PCDH15: variants seen among roughly 807,000 people sequenced by gnomAD.
PCDH15 encodes protocadherin-15.
A neutral mutation model predicts 178.5 loss-of-function variants in PCDH15; 129 were observed. That is an observed-to-expected ratio of 0.72 (90% CI 0.63 to 0.84). The LOEUF (loss-of-function observed/expected upper bound fraction) is 0.84. Among genes scored for constraint, PCDH15 ranks in the 40% least tolerant of loss-of-function variants. PCDH15 has a pLI of 0.00. For synonymous variants in PCDH15, 800 were observed against 732.0 expected (o/e 1.09, Z -1.50); for missense variants, 2,230 against 2,099.9 (o/e 1.06, Z -1.21).
chr10:55,236,870 A>G (rs901905194), intron 1 of PCDH15, among the ~76,000 whole-genome samples: 3 of 151,946 alleles, frequency 2.0e-5, no homozygotes, highest in African/African-American at 4.8e-5. Context: ...TAAAATACTA[A>G]TATAATTGAT....
At chr10:54,302,139 T>C (rs1310659136) in intron 8 of PCDH15, among the ~76,000 whole-genome samples, 1 of 152,160 alleles carries the variant, frequency 6.6e-6, no homozygotes, top group East Asian at 1.9e-4. Flanking sequence ...CAGTCTGGAT[T>C]TTCAAATAAA....
intron 2 of PCDH15, among the ~76,000 whole-genome samples, chr10:54,991,401 A>G (rs1223033056): frequency 2.0e-5 from 3 of 152,160 alleles, no homozygotes; most frequent in African/African-American, 7.2e-5. Flanking sequence ...AAAAAAGAGA[A>G]AAGCTGGGCA....
chr10:55,603,911 A>G (rs1843145647), intron 2 of PCDH15, among the ~76,000 whole-genome samples: 2 of 146,422 alleles, frequency 1.4e-5, no homozygotes, highest in South Asian at 4.5e-4. Flanking sequence ...CTTTAAATGT[A>G]AATGGACTAA....
At chr10:54,873,983 T>C (rs868834570) in intron 3 of PCDH15, among the ~76,000 whole-genome samples, 1 of 147,842 alleles carries the variant, frequency 6.8e-6, no homozygotes, top group Non-Finnish European at 1.5e-5. Flanking sequence ...TTTATTATTA[T>C]TATTATACTT....
intron 2 of PCDH15, among the ~76,000 whole-genome samples, chr10:55,162,743 C>G (rs1349079123): frequency 6.6e-6 from 1 of 152,098 alleles, no homozygotes; most frequent in African/African-American, 2.4e-5. Context: ...GTAATATAAC[C>G]TCAGACCAGA....
intron 2 of PCDH15, among the ~76,000 whole-genome samples, chr10:54,922,481 T>C (rs907902022): frequency 6.6e-6 from 1 of 152,058 alleles, no homozygotes. Flanking sequence ...GGAAAGGAGT[T>C]GCCTTGTCTC....
chr10:55,359,833 G>T lies in PCDH15; in HGVS notation c.-155-193182C>A, dbSNP rs187405089. 3.3e-3 allele frequency among the ~76,000 whole-genome samples: 501 copies of T among 150,108 alleles called. 2 individuals carry two copies. Among genetic ancestry groups the T allele is most frequent in the Non-Finnish European group, 4.0e-3 (268 of 67,642 alleles). On this transcript the variant is annotated intron_variant, in intron 2 of 5. Transcript: ENST00000613346. The stretch of plus-strand genomic sequence containing the variant: ...TTGAAAAGAAGGAGATTCTGTCATT[G>T]GTGACAATCTAGATGAACTTGTAGG...
At chr10:53,916,405 AG>A in intron 25 of PCDH15, among the ~76,000 whole-genome samples, 2 of 150,850 alleles carry the variant, frequency 1.3e-5, no homozygotes, top group East Asian at 4.0e-4. Flanking sequence ...TCACCAAAAT[AG>A]GAGTTAAGGA....
intron 3 of PCDH15, among the ~76,000 whole-genome samples, chr10:54,419,642 C>T (rs1160106955): frequency 1.3e-5 from 2 of 152,176 alleles, no homozygotes; most frequent in Non-Finnish European, 2.9e-5. Context: ...CATTTCTCTG[C>T]TCAAATACAA....
At chr10:55,602,030 G>C (rs568087951) in intron 2 of PCDH15, among the ~76,000 whole-genome samples, 1 of 152,212 alleles carries the variant, frequency 6.6e-6, no homozygotes, top group South Asian at 2.1e-4. Context: ...GTGGGTGCAC[G>C]CGCCGTGCAC....
intron 1 of PCDH15, among the ~76,000 whole-genome samples, chr10:55,181,609 A>G (rs1352331389): frequency 1.3e-5 from 2 of 152,006 alleles, no homozygotes; most frequent in Admixed American, 6.6e-5. Context: ...GAGTGTCAAC[A>G]TTTTTAAAGA....
intron 1 of PCDH15, among the ~76,000 whole-genome samples, chr10:55,186,180 A>G (rs1006235164): frequency 6.6e-6 from 1 of 151,624 alleles, no homozygotes; most frequent in Non-Finnish European, 1.5e-5. Context: ...ACTAAATATA[A>G]TGCAAATGAT....
At chr10:55,555,269 G>GA (rs2132092163) in intron 2 of PCDH15, among the ~76,000 whole-genome samples, 1 of 152,088 alleles carries the variant, frequency 6.6e-6, no homozygotes, top group Non-Finnish European at 1.5e-5. Context: ...CAAAGCAGAT[G>GA]AAAAAATGGG....
chr10:54,650,878 T>C lies in PCDH15; in HGVS notation c.91+13294A>G, dbSNP rs186342541. 1.1e-4 allele frequency among the ~76,000 whole-genome samples: 17 copies of C among 152,268 alleles called. No homozygotes were observed. In the East Asian group the frequency reaches 3.3e-3, roughly 29 times the overall value. ...TCCCTCCTAGAGCACATGGGAATTATGGGAGCTAAAATTCAAGATGATATT... is the reference window on the plus strand; with the variant it reads ...TCCCTCCTAGAGCACATGGGAATTACGGGAGCTAAAATTCAAGATGATATT... On this transcript the variant is annotated intron_variant, in intron 2 of 37. Coordinates refer to ENST00000644397, the MANE Select transcript of PCDH15 (RefSeq NM_001384140.1).
chr10:54,975,362 G>T (rs1355798493), intron 2 of PCDH15, among the ~76,000 whole-genome samples: 1 of 152,166 alleles, frequency 6.6e-6, no homozygotes, highest in Non-Finnish European at 1.5e-5. Context: ...AAAGAAAAGA[G>T]TGTGTATGCA....
intron 1 of PCDH15, among the ~76,000 whole-genome samples, chr10:55,226,437 AACCCTGC>A (rs1841044944): frequency 1.4e-5 from 1 of 71,122 alleles, no homozygotes; most frequent in Admixed American, 1.5e-4. Context: ...GGCTCACTGC[AACCCTGC>A]AACCCTGCAA....
intron 2 of PCDH15, among the ~76,000 whole-genome samples, chr10:54,912,614 A>G (rs983732199): frequency 6.6e-6 from 1 of 152,192 alleles, no homozygotes; most frequent in African/African-American, 2.4e-5. Flanking sequence ...CAGGAAGTTC[A>G]TTATAGCAAT....
At chr10:54,537,147 C>T (rs938093493) in intron 2 of PCDH15, among the ~76,000 whole-genome samples, 3 of 151,842 alleles carry the variant, frequency 2.0e-5, no homozygotes, top group Non-Finnish European at 4.4e-5. Flanking sequence ...TACAGGCGCC[C>T]GCTACCATGC....
In PCDH15 at chr10:55,306,347, G is replaced by A. The variant is rs146868761; in HGVS notation, c.-156+13252C>T. Among the ~76,000 whole-genome samples, 434 of 152,268 alleles carry A rather than the reference G, an allele frequency of 2.9e-3. 1 individual carries two copies. The highest frequency in any genetic ancestry group is 8.5e-3 in the African/African-American group (352 of 41,556). On this transcript the variant is annotated intron_variant, in intron 1 of 5. Coordinates refer to the PCDH15 transcript ENST00000458638. The stretch of plus-strand genomic sequence containing the variant: ...GAAATGTTTTACACTTGGGCTTTGC[G>A]ATGAAATGTTTTTCCCCTTACACAG...
Sources: gnomAD v4.1 joint callset for allele counts (sites outside exome capture counted in the v4.1 genomes callset) on GRCh38, gnomAD v4.1.1 for gene constraint, MANE v1.5 for transcripts, NCBI Gene and HGNC (gene_info 2026-07-23, HGNC 2026-07-21) for gene names.